Variants in KCND2 observed in about 807,000 individuals in gnomAD.
KCND2 encodes the protein A-type voltage-gated potassium channel KCND2.
KCND2 carries 16 observed loss-of-function variants against 54.4 expected under a neutral mutation model. That is an observed-to-expected ratio of 0.29 (90% CI 0.20 to 0.45). The LOEUF is 0.45. KCND2 is among the 20% of genes least tolerant of loss of function. The pLI, the probability that KCND2 is intolerant of heterozygous loss-of-function variation, is 1.00. For missense variants in KCND2, 486 were observed against 824.2 expected, an observed-to-expected ratio of 0.59 and a Z score of 5.02; for synonymous variants, 317 against 310.7, an observed-to-expected ratio of 1.02 and a Z score of -0.21.
At chr7:120,623,430 G>A (rs547202510) in intron 1 of KCND2, among the ~76,000 whole-genome samples, 2 of 152,162 alleles carry the variant, frequency 1.3e-5, no homozygotes, top group African/African-American at 4.8e-5. Context: ...TTGGTGAGCT[G>A]TATGAAGGCA....
At chr7:120,662,438 C>T (rs1791877118) in intron 1 of KCND2, among the ~76,000 whole-genome samples, 1 of 152,122 alleles carries the variant, frequency 6.6e-6, no homozygotes, top group African/African-American at 2.4e-5. Context: ...GCATATCTCT[C>T]AAATGAACAA....
rs1199668520 is a variant in KCND2, at chr7:120,553,655, T to G, written c.1116-179248T>G. 5.3e-5 allele frequency among the ~76,000 whole-genome samples: 8 copies of G among 152,320 alleles called. No homozygotes were observed. The East Asian group carries it at 1.5e-3, about 29-fold the overall frequency. On this transcript the variant is annotated intron_variant, in intron 1 of 5. Coordinates refer to ENST00000331113, the MANE Select transcript of KCND2 (RefSeq NM_012281.3). ...ATTATCATCTCCATCTATTTCTAAA[T>G]GGAGAAACAGCTTGCATCTGTTGAG...
intron 1 of KCND2, among the ~76,000 whole-genome samples, chr7:120,661,388 C>T (rs1380793486): frequency 2.6e-5 from 4 of 152,158 alleles, no homozygotes; most frequent in Non-Finnish European, 5.9e-5. Flanking sequence ...GTGGCTCACA[C>T]CTGTAATCCC....
At chr7:120,501,917 T>C (rs1802941268) in intron 1 of KCND2, among the ~76,000 whole-genome samples, 1 of 152,120 alleles carries the variant, frequency 6.6e-6, no homozygotes, top group African/African-American at 2.4e-5. Context: ...CAGAAGCATA[T>C]ACTTTGATAT....
intron 1 of KCND2, among the ~76,000 whole-genome samples, chr7:120,541,325 A>C (rs1352717819): frequency 1.3e-5 from 2 of 152,122 alleles, no homozygotes; most frequent in Non-Finnish European, 2.9e-5. Context: ...AATCAGAAAC[A>C]ACACTGGGAA....
chr7:120,550,284 T>C (rs1792090160), intron 1 of KCND2, among the ~76,000 whole-genome samples: 1 of 152,044 alleles, frequency 6.6e-6, no homozygotes, highest in African/African-American at 2.4e-5. Context: ...ATGCAGTGAA[T>C]AGAATTATTA....
rs1366542675 is a variant in KCND2 at position 120,508,639 on chromosome 7, A to G, written c.1116-224264A>G. 3.3e-5 allele frequency among the ~76,000 whole-genome samples: 5 copies of G among 152,066 alleles called. No individual in the cohort carries two copies. In the South Asian group the frequency reaches 1.0e-3, roughly 31 times the overall value. Reference sequence around the variant, plus strand: ...AGCCAAAGTCAAAATCAATGGGAAAAAAGTGCAAATACCTCAAGTTTCAAA... The same window carrying G: ...AGCCAAAGTCAAAATCAATGGGAAAGAAGTGCAAATACCTCAAGTTTCAAA... On this transcript the variant is annotated intron_variant, in intron 1 of 5. Coordinates refer to ENST00000331113, the MANE Select transcript of KCND2 (RefSeq NM_012281.3).
At chr7:120,695,447 G>A (rs1368094572) in intron 1 of KCND2, among the ~76,000 whole-genome samples, 1 of 152,112 alleles carries the variant, frequency 6.6e-6, no homozygotes, top group African/African-American at 2.4e-5. Context: ...CTTTATGTCA[G>A]ACATATTTTG....
chr7:120,365,829 G>T (rs1212059519), intron 1 of KCND2, among the ~76,000 whole-genome samples: 2 of 152,116 alleles, frequency 1.3e-5, no homozygotes, highest in Non-Finnish European at 2.9e-5. Flanking sequence ...CTATAAGTAA[G>T]TGAAATGGAT....
chr7:120,560,502 T>C (rs1452213720), intron 1 of KCND2, among the ~76,000 whole-genome samples: 2 of 152,234 alleles, frequency 1.3e-5, no homozygotes, highest in African/African-American at 4.8e-5. Flanking sequence ...GGAGCCCTTC[T>C]TGGGCTCAAG....
intron 1 of KCND2, among the ~76,000 whole-genome samples, chr7:120,577,072 G>A (rs559640317): frequency 4.6e-5 from 7 of 152,054 alleles, no homozygotes; most frequent in East Asian, 3.9e-4. Context: ...GCTTGAACCC[G>A]GGGGGTTGAA....
intron 1 of KCND2, among the ~76,000 whole-genome samples, chr7:120,363,481 C>A (rs979624964): frequency 6.6e-6 from 1 of 152,102 alleles, no homozygotes; most frequent in African/African-American, 2.4e-5. Context: ...ATTCCAAGCT[C>A]TTTCTCTGAT....
chr7:120,599,063 A>G (rs1344674547), intron 1 of KCND2, among the ~76,000 whole-genome samples: 1 of 152,170 alleles, frequency 6.6e-6, no homozygotes, highest in Non-Finnish European at 1.5e-5. Context: ...TTGTTCCAGC[A>G]CTATTTGTTC....
At chr7:120,414,563 C>T (rs1801499317) in intron 1 of KCND2, among the ~76,000 whole-genome samples, 1 of 152,074 alleles carries the variant, frequency 6.6e-6, no homozygotes, top group African/African-American at 2.4e-5. Context: ...CTCTCATAAG[C>T]TTCTCTGCTA....
chr7:120,387,666 T>C (rs900203423), intron 1 of KCND2, among the ~76,000 whole-genome samples: 2 of 151,934 alleles, frequency 1.3e-5, no homozygotes, highest in African/African-American at 4.8e-5. Flanking sequence ...CTGGGGAAAA[T>C]GTGATTTGCA....
chr7:120,678,432 T>G (rs1792096637), intron 1 of KCND2, among the ~76,000 whole-genome samples: 2 of 146,086 alleles, frequency 1.4e-5, no homozygotes, highest in Admixed American at 1.4e-4. Flanking sequence ...CACATATATA[T>G]ACACATTCAT....
chr7:120,599,631 A>G (rs1792789640), intron 1 of KCND2, among the ~76,000 whole-genome samples: 1 of 152,040 alleles, frequency 6.6e-6, no homozygotes, highest in South Asian at 2.1e-4. Flanking sequence ...GTTTCTTGCA[A>G]GTATACAAAA....
At chr7:120,419,088 A>G (rs1055910730) in intron 1 of KCND2, among the ~76,000 whole-genome samples, 4 of 152,182 alleles carry the variant, frequency 2.6e-5, no homozygotes, top group Non-Finnish European at 5.9e-5. Flanking sequence ...ATAATTGAAT[A>G]TGAGCAAATC....
chr7:120,656,220 ATATACT>A (rs1424095798), intron 1 of KCND2, among the ~76,000 whole-genome samples: 2 of 152,124 alleles, frequency 1.3e-5, no homozygotes, highest in Non-Finnish European at 2.9e-5. Context: ...ATCAGTTGTG[ATATACT>A]TATAAATACA....
Sources: allele counts gnomAD v4.1 joint callset (sites outside exome capture counted in the v4.1 genomes callset), GRCh38; gene constraint gnomAD v4.1.1; transcripts MANE v1.5; gene names NCBI Gene and HGNC (gene_info 2026-07-23, HGNC 2026-07-21).